Variants in CADPS observed in about 807,000 individuals in gnomAD.
The protein encoded by CADPS is calcium dependent secretion activator, also known as calcium-dependent secretion activator 1.
Under a neutral mutation model 167.3 loss-of-function variants are expected in CADPS, and 57 were observed. That is an observed-to-expected ratio of 0.34 (90% CI 0.28 to 0.42). CADPS has a LOEUF of 0.42. CADPS is among the 20% of genes least tolerant of loss of function. CADPS has a pLI of 1.00. For missense variants in CADPS, 1,414 were observed against 1,738.1 expected (o/e 0.81, Z 3.32); for synonymous variants, 676 against 635.3 (o/e 1.06, Z -0.96).
At chr3:62,426,760 C>A (rs2052777617) in intron 28 of CADPS, among the ~76,000 whole-genome samples, 1 of 152,040 alleles carries the variant, frequency 6.6e-6, no homozygotes, top group Non-Finnish European at 1.5e-5. Flanking sequence ...TATAAAGAAA[C>A]AAGTCCCTTG....
intron 6 of CADPS, 101 bp downstream of exon 6, chr3:62,645,621 C>T (rs528027953): frequency 2.4e-5 from 31 of 1,282,726 alleles, no homozygotes; most frequent in African/African-American, 1.3e-4. Flanking sequence ...TATGTCTTCT[C>T]GTATCTTCTG....
chr3:62,828,191 T>C (rs1047986050), intron 1 of CADPS, among the ~76,000 whole-genome samples: 2 of 152,168 alleles, frequency 1.3e-5, no homozygotes, highest in Non-Finnish European at 2.9e-5. Flanking sequence ...CCATTCCCCA[T>C]GGAGATCTAC....
chr3:62,614,177 A>G (rs1437411020), intron 6 of CADPS, among the ~76,000 whole-genome samples: 1 of 152,190 alleles, frequency 6.6e-6, no homozygotes, highest in Non-Finnish European at 1.5e-5. Context: ...AGGTTTCCAC[A>G]TATTATTTTA....
intron 6 of CADPS, among the ~76,000 whole-genome samples, chr3:62,617,655 G>T (rs991114232): frequency 6.6e-6 from 1 of 152,046 alleles, no homozygotes; most frequent in Non-Finnish European, 1.5e-5. Flanking sequence ...ATTTAATTTG[G>T]GGATGAGAGA....
At chr3:62,585,127 A>G (rs1038148586) in intron 8 of CADPS, 58 bp downstream of exon 8, 9 of 1,533,108 alleles carry the variant, frequency 5.9e-6, no homozygotes, top group Non-Finnish European at 8.1e-6. Context: ...TTTTGTTTTC[A>G]TTTTGAGAAA....
intron 3 of CADPS, among the ~76,000 whole-genome samples, chr3:62,715,000 T>C (rs1212064652): frequency 6.6e-6 from 1 of 152,138 alleles, no homozygotes; most frequent in Non-Finnish European, 1.5e-5. Context: ...TAAGAAATGT[T>C]TGTAAATTTG....
At position 62,570,921 on chromosome 3, in the gene CADPS, C is replaced by T; in HGVS notation, c.1595G>A (p.Gly532Asp). Residue 532 changes from glycine to aspartate, a missense_variant, in exon 9 of 30, where the codon GGT (glycine) becomes GAT (aspartate). By Grantham distance (94) the Gly-to-Asp change is moderately conservative. Coordinates refer to ENST00000383710, the MANE Select transcript of CADPS (RefSeq NM_003716.4). The part of the protein sequence containing the change: ...MKHSGYLWAI[G>D]KNVWKRWKKR... ...CTTCCATCTCTTCCAGACATTCTTA[C>T]CGATGGCCCATAAATACCTAAGGGA... 1 of 1,609,194 alleles carries T rather than the reference C, an allele frequency of 6.2e-7. No homozygotes were observed. Among genetic ancestry groups the T allele is most frequent in the Non-Finnish European group, 8.5e-7 (1 of 1,175,456 alleles).
At chr3:62,632,440 A>T (rs1005006003) in intron 6 of CADPS, among the ~76,000 whole-genome samples, 3 of 152,232 alleles carry the variant, frequency 2.0e-5, no homozygotes, top group Non-Finnish European at 2.9e-5. Context: ...GTGTATGCAC[A>T]AAGTATGCAT....
chr3:62,814,969 C>T (rs1314688445), intron 1 of CADPS, among the ~76,000 whole-genome samples: 6 of 152,116 alleles, frequency 3.9e-5, no homozygotes, highest in Non-Finnish European at 8.8e-5. Context: ...GCGGGACTTC[C>T]GTCTTCTTTT....
intron 3 of CADPS, among the ~76,000 whole-genome samples, chr3:62,718,993 G>A (rs1015863575): frequency 6.6e-6 from 1 of 152,158 alleles, no homozygotes; most frequent in Non-Finnish European, 1.5e-5. Context: ...TTTTCGTGAG[G>A]GGAAGGAATC....
chr3:62,538,561 T>C (rs777677184), intron 11 of CADPS, among the ~76,000 whole-genome samples: 3 of 152,118 alleles, frequency 2.0e-5, no homozygotes, highest in Non-Finnish European at 4.4e-5. Context: ...TTTTAACAGA[T>C]AGATCAGGCA....
intron 2 of CADPS, among the ~76,000 whole-genome samples, chr3:62,762,292 T>C (rs926670191): frequency 2.0e-5 from 3 of 152,112 alleles, no homozygotes; most frequent in Non-Finnish European, 4.4e-5. Flanking sequence ...AAAACCAATA[T>C]AGTATGACAA....
intron 2 of CADPS, among the ~76,000 whole-genome samples, chr3:62,759,511 A>G (rs1382667235): frequency 6.6e-6 from 1 of 152,160 alleles, no homozygotes; most frequent in Non-Finnish European, 1.5e-5. Flanking sequence ...TGGATTTAGA[A>G]TACCATAGGA....
At chr3:62,535,207 G>C (rs369938916) in intron 12 of CADPS, among the ~76,000 whole-genome samples, 61 of 150,852 alleles carry the variant, frequency 4.0e-4, no homozygotes, top group South Asian at 3.8e-3. Flanking sequence ...GCCTTGCAAT[G>C]CAAGGTAAGC....
chr3:62,606,324 A>C (rs2060690004), intron 6 of CADPS, among the ~76,000 whole-genome samples: 1 of 152,204 alleles, frequency 6.6e-6, no homozygotes, highest in Admixed American at 6.5e-5. Context: ...CTCTGCCCAC[A>C]TCAATAGATT....
intron 3 of CADPS, among the ~76,000 whole-genome samples, chr3:62,706,718 C>T (rs188412383): frequency 1.4e-3 from 217 of 152,216 alleles, no homozygotes; most frequent in Non-Finnish European, 2.7e-3. Context: ...CTCTGTGTGT[C>T]TGTATCCAGA....
At chr3:62,634,483 C>T (rs2149779137) in intron 6 of CADPS, among the ~76,000 whole-genome samples, 2 of 152,244 alleles carry the variant, frequency 1.3e-5, no homozygotes, top group East Asian at 3.9e-4. Context: ...GGAATGCTCA[C>T]CTATTTTAAA....
intron 3 of CADPS, among the ~76,000 whole-genome samples, chr3:62,678,029 C>T (rs1476927606): frequency 6.6e-6 from 1 of 152,074 alleles, no homozygotes; most frequent in African/African-American, 2.4e-5. Context: ...ATTTATGTTG[C>T]AAGCCTCCTT....
At chr3:62,622,078 A>G (rs1182392786) in intron 6 of CADPS, among the ~76,000 whole-genome samples, 1 of 151,810 alleles carries the variant, frequency 6.6e-6, no homozygotes, top group Non-Finnish European at 1.5e-5. Context: ...CTTGCATTCA[A>G]ACTTCTCATG....
Sources: gnomAD v4.1 joint callset for allele counts (sites outside exome capture counted in the v4.1 genomes callset) on GRCh38, gnomAD v4.1.1 for gene constraint, MANE v1.5 for transcripts, NCBI Gene and HGNC (gene_info 2026-07-23, HGNC 2026-07-21) for gene names.